Variants in ARL15 observed in about 807,000 individuals in gnomAD.
The protein encoded by ARL15 is ARF like GTPase 15.
In ARL15, 19 loss-of-function variants were observed where a neutral mutation model predicts 25.2. The observed-to-expected ratio is 0.75, with a 90% CI of 0.53 to 1.10. ARL15 has a LOEUF of 1.10. ARL15 is among the 50% of genes least tolerant of loss of function. The probability of loss-of-function intolerance (pLI) is 0.00; values close to 1 mark genes in which losing one functional copy is unlikely to be tolerated. For synonymous variants in ARL15, 94 were observed against 86.8 expected (o/e 1.08, Z -0.46); for missense variants, 220 against 246.0 (o/e 0.89, Z 0.71).
At chr5:54,071,155 G>A (rs1232353183) in intron 4 of ARL15, among the ~76,000 whole-genome samples, 1 of 145,290 alleles carries the variant, frequency 6.9e-6, no homozygotes, top group Non-Finnish European at 1.5e-5. Flanking sequence ...AGATGACAAC[G>A]TGAGACCCTG....
At chr5:54,142,367 T>G (rs1464137754) in intron 3 of ARL15, among the ~76,000 whole-genome samples, 2 of 152,122 alleles carry the variant, frequency 1.3e-5, no homozygotes, top group Admixed American at 1.3e-4. Flanking sequence ...GGGGAGTTTG[T>G]CTAATGACAA....
chr5:54,279,554 T>A (rs1758004386), intron 1 of ARL15, among the ~76,000 whole-genome samples: 1 of 152,050 alleles, frequency 6.6e-6, no homozygotes, highest in Non-Finnish European at 1.5e-5. Context: ...CCTAATTATC[T>A]CCCAAAGGCC....
rs1026522826 is a variant in ARL15 at position 54,018,703 on chromosome 5, G to A, written c.462+94499C>T. ...AGTTTAAAGAGATGCTAAACAAAAG[G>A]AGGCAAGCTCTACATGTATTTACAT... On this transcript the variant is annotated intron_variant, in intron 4 of 4. Transcript: ENST00000504924. Among the ~76,000 whole-genome samples, 4 of 152,082 alleles carry A rather than the reference G, an allele frequency of 2.6e-5. No individual in the cohort carries two copies. The South Asian group carries it at 8.3e-4, about 32-fold the overall frequency.
At chr5:54,052,581 G>A (rs1433977631) in intron 4 of ARL15, among the ~76,000 whole-genome samples, 1 of 152,170 alleles carries the variant, frequency 6.6e-6, no homozygotes, top group East Asian at 1.9e-4. Flanking sequence ...ATTTCTCACT[G>A]TTTTACTGAG....
At chr5:54,272,798 A>G (rs1757823841) in intron 1 of ARL15, among the ~76,000 whole-genome samples, 1 of 152,228 alleles carries the variant, frequency 6.6e-6, no homozygotes, top group Non-Finnish European at 1.5e-5. Flanking sequence ...AAGTTAATAT[A>G]GAATACATAA....
At chr5:53,952,291 G>C (rs1437906905) in intron 4 of ARL15, among the ~76,000 whole-genome samples, 1 of 151,986 alleles carries the variant, frequency 6.6e-6, no homozygotes, top group Non-Finnish European at 1.5e-5. Flanking sequence ...CAAAAAAGAA[G>C]AGAGTGAAAG....
intron 1 of ARL15, among the ~76,000 whole-genome samples, chr5:54,277,477 C>T (rs1446996541): frequency 1.3e-5 from 2 of 152,204 alleles, no homozygotes. Context: ...GCAGGCCGGG[C>T]ATGGTGGCTC....
chr5:54,266,958 C>T (rs1035072441), intron 1 of ARL15, among the ~76,000 whole-genome samples: 5 of 152,160 alleles, frequency 3.3e-5, no homozygotes, highest in Non-Finnish European at 5.9e-5. Flanking sequence ...AAGTAATTTC[C>T]ATATATTCCC....
intron 4 of ARL15, among the ~76,000 whole-genome samples, chr5:53,945,427 AGTTT>A (rs1352769369): frequency 6.6e-6 from 1 of 152,122 alleles, no homozygotes; most frequent in Non-Finnish European, 1.5e-5. Flanking sequence ...TCGTTAACTC[AGTTT>A]GTTTAGGTCA....
intron 1 of ARL15, among the ~76,000 whole-genome samples, chr5:54,243,188 T>C (rs1757001737): frequency 6.6e-6 from 1 of 152,224 alleles, no homozygotes; most frequent in Non-Finnish European, 1.5e-5. Flanking sequence ...TGACAAATCA[T>C]TTCTATAAAA....
chr5:54,185,746 T>C (rs1332581112), intron 1 of ARL15, among the ~76,000 whole-genome samples: 2 of 152,196 alleles, frequency 1.3e-5, no homozygotes, highest in Non-Finnish European at 2.9e-5. Flanking sequence ...CAATAATCAA[T>C]AGGTGTTATT....
intron 2 of ARL15, among the ~76,000 whole-genome samples, chr5:54,166,110 A>G (rs1054020673): frequency 6.6e-6 from 1 of 152,080 alleles, no homozygotes; most frequent in Non-Finnish European, 1.5e-5. Context: ...AAAATTAAAC[A>G]TCATATTCTT....
At chr5:53,927,098 T>C (rs1156862415) in intron 4 of ARL15, among the ~76,000 whole-genome samples, 1 of 152,162 alleles carries the variant, frequency 6.6e-6, no homozygotes, top group African/African-American at 2.4e-5. Context: ...TTAAGTACAC[T>C]CACATTGTTG....
chr5:54,020,441 A>G (rs697105), intron 4 of ARL15, among the ~76,000 whole-genome samples: 81,384 of 151,964 alleles, frequency 0.54, 22,496 homozygotes, highest in Admixed American at 0.6. Context: ...ATAATGAGGT[A>G]TGCCTACCCA....
At chr5:54,277,587 T>G (rs1757957691) in intron 1 of ARL15, among the ~76,000 whole-genome samples, 1 of 151,970 alleles carries the variant, frequency 6.6e-6, no homozygotes, top group Admixed American at 6.6e-5. Flanking sequence ...ACGTCTCTAC[T>G]AAAAATACAA....
chr5:54,122,278 A>T (rs1753103959), intron 3 of ARL15, among the ~76,000 whole-genome samples: 1 of 152,226 alleles, frequency 6.6e-6, no homozygotes, highest in African/African-American at 2.4e-5. Context: ...TCTCCCCTTC[A>T]GACAAAAACG....
chr5:54,252,358 T>C (rs1022949852), intron 1 of ARL15, among the ~76,000 whole-genome samples: 6 of 152,206 alleles, frequency 3.9e-5, no homozygotes, highest in Non-Finnish European at 8.8e-5. Context: ...CAAAATAGCA[T>C]CAAGAAAGTT....
chr5:54,181,494 ATC>A (rs1363606083), intron 1 of ARL15, among the ~76,000 whole-genome samples: 4 of 152,196 alleles, frequency 2.6e-5, no homozygotes. Context: ...TTTACAGCAA[ATC>A]TCTTTTTTTG....
chr5:53,907,479 TATATATA>T (rs1745294713), intron 4 of ARL15, among the ~76,000 whole-genome samples: 3 of 35,176 alleles, frequency 8.5e-5, no homozygotes, highest in Admixed American at 2.9e-4. Flanking sequence ...TATATATATA[TATATATA>T]TATTTTTTTT....
Sources: allele counts gnomAD v4.1 joint callset (sites outside exome capture counted in the v4.1 genomes callset), GRCh38; gene constraint gnomAD v4.1.1; transcripts MANE v1.5; gene names NCBI Gene and HGNC (gene_info 2026-07-23, HGNC 2026-07-21).